The following PAXBP1 variants were observed in gnomAD, a reference collection of about 807,000 sequenced individuals.
PAXBP1 encodes the protein PAX3 and PAX7 binding protein 1, also known as PAX3- and PAX7-binding protein 1.
In PAXBP1, 44 loss-of-function variants were observed where a neutral mutation model predicts 119.9. The observed-to-expected ratio is 0.37, with a 90% confidence interval of 0.29 to 0.47. PAXBP1 has a LOEUF of 0.47. Ranked by LOEUF, PAXBP1 falls within the 20% of genes least tolerant of loss-of-function variation. The pLI is 0.99. For missense variants in PAXBP1, 898 were observed against 1,134.1 expected (o/e 0.79, Z 2.99); for synonymous variants, 393 against 406.6 (o/e 0.97, Z 0.40).
chr21:32,754,016 T>C (rs2044004329), intron 8 of PAXBP1, among the ~76,000 whole-genome samples: 1 of 152,162 alleles, frequency 6.6e-6, no homozygotes, highest in Non-Finnish European at 1.5e-5. Flanking sequence ...AGGTGGCTAA[T>C]GTCAATAATC....
At chr21:32,768,948 G>C (rs999675387) in intron 2 of PAXBP1, among the ~76,000 whole-genome samples, 1 of 152,010 alleles carries the variant, frequency 6.6e-6, no homozygotes, top group South Asian at 2.1e-4. Flanking sequence ...ATCCATCTTC[G>C]AGTCCCACTT....
At chr21:32,758,916 T>G (rs1276559324) in intron 7 of PAXBP1, among the ~76,000 whole-genome samples, 164 bp downstream of exon 7, 6 of 151,992 alleles carry the variant, frequency 3.9e-5, no homozygotes, top group Non-Finnish European at 4.4e-5. Context: ...CCTTAAGAGA[T>G]AATGCCACTA....
chr21:32,765,780 T>C (rs182465494), intron 2 of PAXBP1, among the ~76,000 whole-genome samples: 1 of 152,250 alleles, frequency 6.6e-6, no homozygotes, highest in Non-Finnish European at 1.5e-5. Flanking sequence ...TATGAAGCTA[T>C]AAGGTTTTAA....
At chr21:32,759,003 AG>A (rs2044090652) in intron 7 of PAXBP1, 76 bp downstream of exon 7, 1 of 1,373,940 alleles carries the variant, frequency 7.3e-7, no homozygotes, top group Admixed American at 2.1e-5. Flanking sequence ...TGAGAATTAT[AG>A]AATGTTCTAC....
intron 5 of PAXBP1, among the ~76,000 whole-genome samples, chr21:32,760,645 G>A (rs1207279831): frequency 6.6e-6 from 1 of 152,104 alleles, no homozygotes; most frequent in African/African-American, 2.4e-5. Flanking sequence ...GTGTGCATCA[G>A]AATCACCTGG....
chr21:32,764,267 T>C, intron 3 of PAXBP1, 81 bp downstream of exon 3: 1 of 1,371,742 alleles, frequency 7.3e-7, no homozygotes, highest in South Asian at 1.4e-5. Flanking sequence ...ACTCAGCTAA[T>C]TCCTTCTTAA....
intron 7 of PAXBP1, among the ~76,000 whole-genome samples, chr21:32,757,656 G>GT (rs1224798495): frequency 6.6e-6 from 1 of 152,208 alleles, no homozygotes; most frequent in Admixed American, 6.5e-5. Flanking sequence ...AATTATGAAT[G>GT]TCTTAATTTA....
At chr21:32,740,359 TGTG>T (rs1306378737) in intron 15 of PAXBP1, among the ~76,000 whole-genome samples, 1 of 152,214 alleles carries the variant, frequency 6.6e-6, no homozygotes, top group Non-Finnish European at 1.5e-5. Flanking sequence ...AAAACCAAGC[TGTG>T]CCCCGACCAC....
Sources: gnomAD v4.1 joint callset for allele counts (sites outside exome capture counted in the v4.1 genomes callset) on GRCh38, gnomAD v4.1.1 for gene constraint, MANE v1.5 for transcripts, NCBI Gene and HGNC (gene_info 2026-07-23, HGNC 2026-07-21) for gene names.